ARL15: variants seen among roughly 807,000 people sequenced by gnomAD.
ARL15 encodes the protein ARF like GTPase 15.
A neutral mutation model predicts 25.2 loss-of-function variants in ARL15; 19 were observed. The ratio of observed to expected loss-of-function variants is 0.75; its 90% CI spans 0.53 to 1.10. ARL15 has a LOEUF of 1.10. ARL15 is among the 50% of genes least tolerant of loss of function. The pLI is 0.00. For synonymous variants in ARL15, 94 were observed against 86.8 expected (o/e 1.08, Z -0.46); for missense variants, 220 against 246.0 (o/e 0.89, Z 0.71).
At chr5:54,029,306 T>TACCACCACCACCAACACCACC (rs1561194917) in intron 4 of ARL15, among the ~76,000 whole-genome samples, 3 of 120,020 alleles carry the variant, frequency 2.5e-5, no homozygotes, top group East Asian at 2.1e-4. Context: ...TAAAAACAGT[T>TACCACCACCACCAACACCACC]ACCACCACCA....
chr5:54,088,763 A>T (rs1034118824), intron 4 of ARL15, among the ~76,000 whole-genome samples: 1 of 152,152 alleles, frequency 6.6e-6, no homozygotes, highest in Non-Finnish European at 1.5e-5. Context: ...ATGTTTATTA[A>T]ATTAAATTCT....
chr5:54,082,994 A>C (rs1751852086), intron 4 of ARL15, among the ~76,000 whole-genome samples: 1 of 152,206 alleles, frequency 6.6e-6, no homozygotes, highest in Non-Finnish European at 1.5e-5. Context: ...GATGAGGCCT[A>C]CGAATCTTCA....
At chr5:54,200,625 A>G (rs1443631583) in intron 1 of ARL15, among the ~76,000 whole-genome samples, 3 of 152,174 alleles carry the variant, frequency 2.0e-5, no homozygotes, top group Non-Finnish European at 4.4e-5. Flanking sequence ...TCATAAACCA[A>G]CACCCTAAAA....
At chr5:54,247,578 G>GA (rs1554050253) in intron 1 of ARL15, among the ~76,000 whole-genome samples, 1,482 of 113,410 alleles carry the variant, frequency 0.013, 8 homozygotes, top group Middle Eastern at 0.033. Flanking sequence ...GAAAGGAAGA[G>GA]AAAAAAAAAA....
At chr5:54,302,109 G>C (rs1241582163) in intron 1 of ARL15, among the ~76,000 whole-genome samples, 1 of 152,166 alleles carries the variant, frequency 6.6e-6, no homozygotes, top group Non-Finnish European at 1.5e-5. Flanking sequence ...CTTTCCCAGT[G>C]GGAGCTGCAC....
intron 4 of ARL15, among the ~76,000 whole-genome samples, chr5:54,045,876 G>T (rs1319949061): frequency 1.3e-5 from 2 of 152,180 alleles, no homozygotes; most frequent in Admixed American, 1.3e-4. Flanking sequence ...GAATAAAAGA[G>T]TAGTCACCTT....
At chr5:53,896,372 A>C (rs1185251015) in intron 4 of ARL15, among the ~76,000 whole-genome samples, 2 of 152,092 alleles carry the variant, frequency 1.3e-5, no homozygotes, top group African/African-American at 4.8e-5. Flanking sequence ...TAAATCTTCC[A>C]GGGTAAAAAG....
intron 1 of ARL15, 67 bp from the exon 2 acceptor site, chr5:54,171,995 T>C: frequency 1.3e-6 from 2 of 1,550,832 alleles, no homozygotes; most frequent in Middle Eastern, 1.7e-4. Flanking sequence ...TAGTCACATT[T>C]AAAATGACTG....
At chr5:54,230,105 A>C (rs2112551837) in intron 1 of ARL15, among the ~76,000 whole-genome samples, 1 of 152,244 alleles carries the variant, frequency 6.6e-6, no homozygotes, top group South Asian at 2.1e-4. Context: ...TAATCCCAGC[A>C]CTTCGGGAGG....
chr5:54,031,882 A>G (rs1234188790), intron 4 of ARL15, among the ~76,000 whole-genome samples: 1 of 152,218 alleles, frequency 6.6e-6, no homozygotes, highest in Non-Finnish European at 1.5e-5. Flanking sequence ...TGGGCTCGTT[A>G]TATAGAAAGG....
chr5:53,970,457 A>C (rs1747704556), intron 4 of ARL15, among the ~76,000 whole-genome samples: 1 of 152,138 alleles, frequency 6.6e-6, no homozygotes, highest in African/African-American at 2.4e-5. Context: ...CATCCTAAAC[A>C]CTATAGCAGA....
rs1561228634 is a variant in ARL15 at position 54,113,278 on chromosome 5, T to A, written c.386A>T (p.His129Leu). The A allele has an allele frequency of 1.2e-6, 2 of 1,613,976 alleles. No individual in the cohort carries two copies. The highest frequency in any genetic ancestry group is 1.7e-6 in the Non-Finnish European group (2 of 1,179,876). The change falls in exon 4 of 5, where the codon CAT becomes CTT. Residue 129 changes from histidine (H) to leucine (L), a missense_variant. Physicochemically the swap from His to Leu is moderately conservative, Grantham distance 99. Transcript: ENST00000504924. ...ARNELHSALQHPQLCTLPFLI... is the reference protein window; with the variant it reads ...ARNELHSALQLPQLCTLPFLI... ...AAAGGGTAAAGTGCATAACTGTGGATGCTGAAGAGCTGAGTGCAGCTCATT... is the reference window on the plus strand; with the variant it reads ...AAAGGGTAAAGTGCATAACTGTGGAAGCTGAAGAGCTGAGTGCAGCTCATT...
At chr5:54,108,492 T>G (rs972091991) in intron 4 of ARL15, among the ~76,000 whole-genome samples, 22 of 152,108 alleles carry the variant, frequency 1.4e-4, no homozygotes, top group African/African-American at 5.1e-4. Flanking sequence ...CCAATGATTA[T>G]TTTACAAACA....
chr5:54,294,382 C>T lies in ARL15; in HGVS notation c.48+16050G>A, dbSNP rs577870564. Among the ~76,000 whole-genome samples the T allele has an allele frequency of 2.0e-5, 3 of 152,304 alleles. No individual in the cohort carries two copies. The East Asian group carries it at 5.8e-4, about 29-fold the overall frequency. On this transcript the variant is annotated intron_variant, in intron 1 of 4. Transcript: ENST00000504924. ...CATATGTATATTACGTTCAGTGTTA[C>T]AGGCTACCGTCTCAGTAGTTACAAG...
chr5:54,083,729 C>T (rs1751874418), intron 4 of ARL15, among the ~76,000 whole-genome samples: 1 of 152,062 alleles, frequency 6.6e-6, no homozygotes, highest in African/African-American at 2.4e-5. Flanking sequence ...TAAAGTAAAT[C>T]GATAACTATA....
chr5:54,285,373 A>G, intron 1 of ARL15: 1 of 883,814 alleles, frequency 1.1e-6, no homozygotes, highest in Non-Finnish European at 1.4e-6. Flanking sequence ...GAAATTTCAA[A>G]GGTAAGCATG....
chr5:54,196,912 AATC>A lies in ARL15; in HGVS notation c.49-24987_49-24985del, dbSNP rs1324474370. ...AAATGGAAGAAAACAAGAAAATAAAAATCATCAGTGCCACTGCATTTTCATTCA... is the reference window on the plus strand; with the variant it reads ...AAATGGAAGAAAACAAGAAAATAAAAATCAGTGCCACTGCATTTTCATTCA... On this transcript the variant is annotated intron_variant, in intron 1 of 4. Transcript: ENST00000504924. Among the ~76,000 whole-genome samples, 15 of 152,284 alleles carry A rather than the reference AATC, an allele frequency of 9.9e-5. No individual in the cohort carries two copies. The East Asian group carries it at 2.7e-3, about 27-fold the overall frequency.
intron 1 of ARL15, among the ~76,000 whole-genome samples, chr5:54,286,518 C>A (rs553757357): frequency 1.1e-4 from 17 of 152,292 alleles, no homozygotes; most frequent in African/African-American, 3.6e-4. Context: ...GCAGAAATAA[C>A]CTGAGATTTG....
At chr5:54,184,439 T>A (rs1473601491) in intron 1 of ARL15, among the ~76,000 whole-genome samples, 2 of 69,110 alleles carry the variant, frequency 2.9e-5, no homozygotes. Flanking sequence ...ACACTGTCTT[T>A]AAAAAAAAAA....
Sources: gnomAD v4.1 joint callset for allele counts (sites outside exome capture counted in the v4.1 genomes callset) on GRCh38, gnomAD v4.1.1 for gene constraint, MANE v1.5 for transcripts, NCBI Gene and HGNC (gene_info 2026-07-23, HGNC 2026-07-21) for gene names.